Variants in GRIN3A observed in about 807,000 individuals in gnomAD.
GRIN3A encodes the protein glutamate receptor ionotropic, NMDA 3A.
A neutral mutation model predicts 92.4 loss-of-function variants in GRIN3A; 47 were observed. That is an observed-to-expected ratio of 0.51 (90% CI 0.40 to 0.65). The LOEUF (loss-of-function observed/expected upper bound fraction) is 0.65, where lower values mean the gene tolerates loss of function less well. GRIN3A is among the 30% of genes least tolerant of loss of function. The probability of loss-of-function intolerance (pLI) is 0.00; values close to 1 mark genes in which losing one functional copy is unlikely to be tolerated. For synonymous variants in GRIN3A, 527 were observed against 540.6 expected (o/e 0.97, Z 0.35); for missense variants, 1,324 against 1,393.1 (o/e 0.95, Z 0.79).
chr9:101,628,950 G>A (rs1395099092), intron 3 of GRIN3A, among the ~76,000 whole-genome samples: 1 of 149,402 alleles, frequency 6.7e-6, no homozygotes, highest in East Asian at 1.9e-4. Context: ...ATAATACAGA[G>A]TATTTTTTTT....
At chr9:101,603,962 C>G (rs983778391) in intron 6 of GRIN3A, among the ~76,000 whole-genome samples, 3 of 152,220 alleles carry the variant, frequency 2.0e-5, no homozygotes, top group Admixed American at 1.3e-4. Context: ...TGTGTCACGG[C>G]TTACCTTATG....
rs1052149361 is a variant in GRIN3A, at chr9:101,614,800, G to A, written c.2615-1273C>T. Among the ~76,000 whole-genome samples the A allele has an allele frequency of 2.6e-5, 4 of 151,062 alleles. No homozygotes were observed. The East Asian group carries it at 5.9e-4, about 22-fold the overall frequency. On this transcript the variant is annotated intron_variant, in intron 5 of 8. Transcript: ENST00000361820. ...ACCCTGGCTAATTTTTGTATTTTTT[G>A]TTGAGATAGGGTCTCACCGTGTTGC...
In GRIN3A at chr9:101,630,376, A is replaced by G. The variant is rs531252140; in HGVS notation, c.2353-1975T>C. On this transcript the variant is annotated intron_variant, in intron 3 of 8. Transcript: ENST00000361820. ...TCTGTGCTGATATAGTAGCTTGTAC[A>G]TATAAAATATGTAGGCAAATATTTA... Among the ~76,000 whole-genome samples, 47 of 152,326 alleles carry G rather than the reference A, an allele frequency of 3.1e-4. 1 individual carries two copies. Among genetic ancestry groups the G allele is most frequent in the African/African-American group, 1.1e-3 (46 of 41,580 alleles).
chr9:101,640,564 T>A (rs1828843661), intron 3 of GRIN3A, among the ~76,000 whole-genome samples: 1 of 152,184 alleles, frequency 6.6e-6, no homozygotes, highest in South Asian at 2.1e-4. Context: ...TTCCACTACC[T>A]TGTGTAATCC....
chr9:101,602,129 G>T (rs1198844514), intron 6 of GRIN3A, among the ~76,000 whole-genome samples: 1 of 152,068 alleles, frequency 6.6e-6, no homozygotes, highest in Non-Finnish European at 1.5e-5. Context: ...CTCTATAAAG[G>T]CTCCAGGGCT....
At chr9:101,620,496 G>A (rs1828535576) in intron 5 of GRIN3A, among the ~76,000 whole-genome samples, 1 of 152,106 alleles carries the variant, frequency 6.6e-6, no homozygotes, top group Non-Finnish European at 1.5e-5. Context: ...ACTACTATAT[G>A]CAGTGACAGT....
At chr9:101,640,306 A>C (rs1313791265) in intron 3 of GRIN3A, among the ~76,000 whole-genome samples, 1 of 152,196 alleles carries the variant, frequency 6.6e-6, no homozygotes, top group African/African-American at 2.4e-5. Context: ...CTAAAGTAGC[A>C]TTTTGCTTTG....
At chr9:101,647,893 TA>T (rs935743071) in intron 3 of GRIN3A, among the ~76,000 whole-genome samples, 6 of 151,980 alleles carry the variant, frequency 3.9e-5, no homozygotes, top group African/African-American at 1.4e-4. Context: ...TTAGTTTAGC[TA>T]AAGGTTTGTC....
rs1564155988 is a variant in GRIN3A at position 101,737,555 on chromosome 9, A to C, written c.425T>G (p.Leu142Arg). 2 of 1,614,220 alleles carry C rather than the reference A, an allele frequency of 1.2e-6. No homozygotes were observed. ...VDNLNRVEGL[L>R]PYNLSLEVVM... Reference sequence around the variant, plus strand: ...TACTTCCAAAGACAGGTTGTAGGGTAGCAGCCCTTCCACGCGGTTCAGGTT... The same window carrying C: ...TACTTCCAAAGACAGGTTGTAGGGTCGCAGCCCTTCCACGCGGTTCAGGTT... The change falls in exon 1 of 9, where the codon CTA (leucine) becomes CGA (arginine). Residue 142 changes from leucine (L) to arginine (R), a missense_variant. Transcript: ENST00000361820.
In GRIN3A at chr9:101,630,529, T is replaced by A. The variant is rs117166288; in HGVS notation, c.2353-2128A>T. ...TAGAAAGTGTGTCATTTGTCCAAGG[T>A]CACAGAGCTAGTAATTGTACCTGGG... On this transcript the variant is annotated intron_variant, in intron 3 of 8. Coordinates refer to ENST00000361820, the MANE Select transcript of GRIN3A (RefSeq NM_133445.3). Among the ~76,000 whole-genome samples, 671 of 152,314 alleles carry A rather than the reference T, an allele frequency of 4.4e-3. 2 individuals carry two copies. Among genetic ancestry groups the A allele is most frequent in the Non-Finnish European group, 8.0e-3 (545 of 68,032 alleles).
rs573954685 is a variant in GRIN3A, at chr9:101,686,711, C to A, written c.1189G>T (p.Ala397Ser). The change falls in exon 2 of 9, where the codon GCA (alanine) becomes TCA (serine). Residue 397 changes from alanine to serine, a missense_variant. Coordinates refer to ENST00000361820, the MANE Select transcript of GRIN3A (RefSeq NM_133445.3). ...ATGGTGGCTGTGGCTACAGCTCTTGCGACCAGCTCCATAGCATCTTGTACG... is the reference window on the plus strand; with the variant it reads ...ATGGTGGCTGTGGCTACAGCTCTTGAGACCAGCTCCATAGCATCTTGTACG... Reference protein sequence around the residue: ...HYVQDAMELVARAVATATMIQ... With the variant: ...HYVQDAMELVSRAVATATMIQ... 1.7e-5 allele frequency: 28 copies of A among 1,614,034 alleles called. No individual in the cohort carries two copies. The Admixed American group carries it at 4.5e-4, about 26-fold the overall frequency.
chr9:101,603,248 T>C (rs889713230), intron 6 of GRIN3A, among the ~76,000 whole-genome samples: 6 of 152,210 alleles, frequency 3.9e-5, no homozygotes, highest in Non-Finnish European at 7.3e-5. Flanking sequence ...GGGACCAAGA[T>C]GGGCCTAAGA....
At chr9:101,654,129 T>C (rs1397586268) in intron 3 of GRIN3A, among the ~76,000 whole-genome samples, 4 of 151,732 alleles carry the variant, frequency 2.6e-5, no homozygotes, top group Admixed American at 6.6e-5. Context: ...TATTATCTTA[T>C]CTGATTTTGT....
At chr9:101,710,379 T>C (rs1395736465) in intron 1 of GRIN3A, among the ~76,000 whole-genome samples, 1 of 152,226 alleles carries the variant, frequency 6.6e-6, no homozygotes, top group Non-Finnish European at 1.5e-5. Context: ...GTATAGAGAA[T>C]GTCAAGTATA....
chr9:101,640,635 C>T (rs1181293969), intron 3 of GRIN3A, among the ~76,000 whole-genome samples: 5 of 151,178 alleles, frequency 3.3e-5, no homozygotes, highest in Non-Finnish European at 7.4e-5. Context: ...AGTTGTAACT[C>T]CCACAATTCC....
At chr9:101,686,473 A>G (rs1829534788) in intron 2 of GRIN3A, 123 bp downstream of exon 2, 5 of 1,103,958 alleles carry the variant, frequency 4.5e-6, no homozygotes, top group Admixed American at 1.7e-5. Context: ...AAATCCTCTA[A>G]GAAATATTAT....
At chr9:101,687,308 T>G in intron 1 of GRIN3A, 108 bp from the exon 2 acceptor site, 4 of 1,101,792 alleles carry the variant, frequency 3.6e-6, no homozygotes, top group Non-Finnish European at 5.4e-6. Flanking sequence ...TTCACTGTGA[T>G]ACATAGTTCT....
intron 8 of GRIN3A, among the ~76,000 whole-genome samples, chr9:101,576,795 A>C (rs1326490549): frequency 6.6e-6 from 1 of 152,208 alleles, no homozygotes; most frequent in Non-Finnish European, 1.5e-5. Context: ...GAGATACTTC[A>C]AGAGATAAAG....
chr9:101,660,034 C>A (rs978352141), intron 3 of GRIN3A, among the ~76,000 whole-genome samples: 1 of 151,748 alleles, frequency 6.6e-6, no homozygotes, highest in Non-Finnish European at 1.5e-5. Context: ...ATACCATTCC[C>A]CCCACCCTGC....
Sources: gnomAD v4.1 joint callset for allele counts (sites outside exome capture counted in the v4.1 genomes callset) on GRCh38, gnomAD v4.1.1 for gene constraint, MANE v1.5 for transcripts, NCBI Gene and HGNC (gene_info 2026-07-23, HGNC 2026-07-21) for gene names.